LY86: variants seen among roughly 807,000 people sequenced by gnomAD.
LY86 encodes MD-1, RP105-associated.
LY86 carries 20 observed loss-of-function variants against 17.3 expected under a neutral mutation model. That is an observed-to-expected ratio of 1.15 (90% CI 0.81 to 1.68). The LOEUF is 1.68. LY86 is among the 40% of genes most tolerant of loss of function. LY86 has a pLI of 0.00. For synonymous variants in LY86, 74 were observed against 70.6 expected (o/e 1.05, Z -0.24); for missense variants, 200 against 191.9 (o/e 1.04, Z -0.25).
At chr6:6,654,097 C>T (rs1284571810) in intron 4 of LY86, among the ~76,000 whole-genome samples, 1 of 152,240 alleles carries the variant, frequency 6.6e-6, no homozygotes, top group Non-Finnish European at 1.5e-5. Flanking sequence ...CCCCCATCCC[C>T]CCACTCCCTG....
At chr6:6,634,566 C>T (rs1466344954) in intron 3 of LY86, among the ~76,000 whole-genome samples, 2 of 152,194 alleles carry the variant, frequency 1.3e-5, no homozygotes, top group Non-Finnish European at 2.9e-5. Context: ...ACGGTGGGTG[C>T]TTGTGGTTAC....
chr6:6,603,421 A>C (rs1167730698), intron 1 of LY86, among the ~76,000 whole-genome samples: 1 of 152,002 alleles, frequency 6.6e-6, no homozygotes, highest in African/African-American at 2.4e-5. Flanking sequence ...TCTTGTCTAC[A>C]TAAAAAACTT....
At position 6,588,845 on chromosome 6, in the gene LY86, C is replaced by T. The variant is rs767822312; in HGVS notation, c.111C>T (p.Gly37=). The change falls in exon 1 of 5, where the codon GGC becomes GGT. Residue 37 remains glycine, a synonymous_variant. Transcript: ENST00000230568. ...WPTHVVCSDS[G]LEVLYQSCDP... is the part of the protein sequence containing the mutation. ...CACACGTGGTCTGTAGCGACAGCGG[C>T]TTGGAAGTGCTCTACCAGAGTTGCG... The T allele has an allele frequency of 4.3e-5, 69 of 1,613,938 alleles. No homozygotes were observed. The highest frequency in any genetic ancestry group is 1.6e-4 in the Middle Eastern group (1 of 6,080).
At chr6:6,642,860 C>T (rs1468400845) in intron 3 of LY86, among the ~76,000 whole-genome samples, 1 of 152,210 alleles carries the variant, frequency 6.6e-6, no homozygotes, top group Non-Finnish European at 1.5e-5. Context: ...CCATGCACTC[C>T]CTCCCTCCTC....
intron 3 of LY86, among the ~76,000 whole-genome samples, chr6:6,633,262 T>C (rs1443910536): frequency 6.6e-6 from 1 of 152,146 alleles, no homozygotes; most frequent in Non-Finnish European, 1.5e-5. Context: ...AAGAATATAT[T>C]GTGTAGGGCC....
chr6:6,591,709 G>C (rs915512549), intron 1 of LY86, among the ~76,000 whole-genome samples: 1 of 152,198 alleles, frequency 6.6e-6, no homozygotes, highest in Admixed American at 6.5e-5. Context: ...GAGAAGGTAA[G>C]ACATTGAGGA....
chr6:6,606,413 C>G (rs965731104), intron 1 of LY86, among the ~76,000 whole-genome samples: 2 of 152,348 alleles, frequency 1.3e-5, no homozygotes, highest in African/African-American at 4.8e-5. Flanking sequence ...GCTTCACCCA[C>G]TGGATCCTGC....
At chr6:6,598,114 C>G (rs561322973) in intron 1 of LY86, among the ~76,000 whole-genome samples, 33 of 152,350 alleles carry the variant, frequency 2.2e-4, no homozygotes, top group African/African-American at 7.5e-4. Context: ...CAATTCAACA[C>G]TACTTACACA....
chr6:6,600,584 CATCAAAAAAAAAAAA>C, intron 1 of LY86, among the ~76,000 whole-genome samples: 4 of 66,178 alleles, frequency 6.0e-5, no homozygotes, highest in South Asian at 6.7e-4. Flanking sequence ...AGTGAGACTC[CATCAAAAAAAAAAAA>C]AAAAAAAAAA....
intron 3 of LY86, among the ~76,000 whole-genome samples, chr6:6,632,688 T>C (rs1761912613): frequency 6.6e-6 from 1 of 152,230 alleles, no homozygotes; most frequent in Non-Finnish European, 1.5e-5. Flanking sequence ...TTCATGGCTA[T>C]GTTGTTCTGT....
chr6:6,603,597 C>CAAAAA, intron 1 of LY86, among the ~76,000 whole-genome samples: 1 of 56,582 alleles, frequency 1.8e-5, no homozygotes, highest in African/African-American at 6.4e-5. Flanking sequence ...AAAACAAAAA[C>CAAAAA]AGAAACAGAA....
At chr6:6,635,045 T>C (rs1367113279) in intron 3 of LY86, among the ~76,000 whole-genome samples, 1 of 152,186 alleles carries the variant, frequency 6.6e-6, no homozygotes, top group African/African-American at 2.4e-5. Flanking sequence ...ATGGCCCCAC[T>C]ACCATGGGCT....
chr6:6,624,020 C>G (rs1181197877), intron 1 of LY86, among the ~76,000 whole-genome samples: 2 of 152,168 alleles, frequency 1.3e-5, no homozygotes, highest in Non-Finnish European at 2.9e-5. Context: ...GGCAGGGAAG[C>G]CTTCACAAAG....
At chr6:6,613,456 C>T (rs981492380) in intron 1 of LY86, among the ~76,000 whole-genome samples, 7 of 152,322 alleles carry the variant, frequency 4.6e-5, no homozygotes, top group East Asian at 1.9e-4. Context: ...AGCCAAGGCC[C>T]GGTGAGAAAT....
At chr6:6,611,979 A>AC (rs1332416499) in intron 1 of LY86, among the ~76,000 whole-genome samples, 3 of 152,134 alleles carry the variant, frequency 2.0e-5, no homozygotes, top group Non-Finnish European at 4.4e-5. Context: ...AAGGATATCT[A>AC]CCCCCTTAAC....
In LY86 at chr6:6,654,727, G is replaced by A; in HGVS notation, c.*100G>A. 3.9e-6 allele frequency: 4 copies of A among 1,035,230 alleles called. No homozygotes were observed. The highest frequency in any genetic ancestry group is 5.9e-6 in the Non-Finnish European group (4 of 679,332). 64.1% of individuals were successfully genotyped at this position (1,035,230 alleles called of 1,614,324 possible). On this transcript the variant is annotated 3_prime_UTR_variant, in exon 5 of 5. Transcript: ENST00000230568. The stretch of plus-strand genomic sequence containing the variant: ...GGGAGGAGAAGCAGCTGATGACAGA[G>A]AGAGGCTCTACAAAGAAGCGCCCCC...
At chr6:6,603,709 C>G (rs1198149006) in intron 1 of LY86, among the ~76,000 whole-genome samples, 2 of 151,480 alleles carry the variant, frequency 1.3e-5, no homozygotes, top group African/African-American at 4.9e-5. Flanking sequence ...GTGTCAATGT[C>G]CATTAACCAG....
At chr6:6,604,026 A>G (rs770426960) in intron 1 of LY86, among the ~76,000 whole-genome samples, 7 of 152,224 alleles carry the variant, frequency 4.6e-5, no homozygotes, top group Admixed American at 2.6e-4. Flanking sequence ...CCAAATGTAT[A>G]TACTACCTTC....
rs559411608 is a variant in LY86, at chr6:6,623,601, C to G, written c.137-1325C>G. ...CTGGATTTGGAGCTGAGAAACAGCC[C>G]CAATATATGGCCCATCCATTCACTC... On this transcript the variant is annotated intron_variant, in intron 1 of 4. Transcript: ENST00000230568. Among the ~76,000 whole-genome samples, 95 of 152,156 alleles carry G rather than the reference C, an allele frequency of 6.2e-4. 1 individual carries two copies. The highest frequency in any genetic ancestry group is 2.3e-3 in the African/African-American group (94 of 41,506).
Sources: allele counts gnomAD v4.1 joint callset (sites outside exome capture counted in the v4.1 genomes callset), GRCh38; gene constraint gnomAD v4.1.1; transcripts MANE v1.5; gene names NCBI Gene and HGNC (gene_info 2026-07-23, HGNC 2026-07-21).